AREL1: variants seen among roughly 807,000 people sequenced by gnomAD.
The protein encoded by AREL1 is apoptosis-resistant E3 ubiquitin protein ligase 1.
Under a neutral mutation model 99.0 loss-of-function variants are expected in AREL1, and 62 were observed. The observed-to-expected ratio is 0.63, with a 90% CI of 0.51 to 0.77. The LOEUF (loss-of-function observed/expected upper bound fraction) is 0.77. Among genes scored for constraint, AREL1 ranks in the 30% least tolerant of loss-of-function variants. The pLI, the probability that AREL1 is intolerant of heterozygous loss-of-function variation, is 0.00. For missense variants in AREL1, 879 were observed against 1,027.6 expected (o/e 0.86, Z 1.98); for synonymous variants, 380 against 376.5 (o/e 1.01, Z -0.11).
chr14:74,665,090 T>G (rs1461060188), intron 17 of AREL1, 165 bp from the exon 18 acceptor site: 8 of 530,912 alleles, frequency 1.5e-5, no homozygotes, highest in Non-Finnish European at 2.7e-5. Context: ...GAAAATCAAT[T>G]ACATACAACA....
Position 74,675,746 on chromosome 14 carries a change from CA to C in AREL1, c.1032del (p.Glu345ArgfsTer3). 1 of 1,614,150 alleles carries C rather than the reference CA, an allele frequency of 6.2e-7. No homozygotes were observed. The highest frequency in any genetic ancestry group is 8.5e-7 in the Non-Finnish European group (1 of 1,180,032). On this transcript the variant is annotated frameshift_variant, in exon 8 of 20. Coordinates refer to ENST00000356357, the MANE Select transcript of AREL1 (RefSeq NM_001039479.2). LOFTEE classifies it high-confidence loss of function. ...DEDSPSECHT[P>X]EKVKKPKKVY... Reference sequence around the variant, plus strand: ...ACCTTCTTCGGTTTCTTCACCTTCTCAGGGGTGTGGCACTCAGAGGGCGAGT... The same window carrying C: ...ACCTTCTTCGGTTTCTTCACCTTCTCGGGGTGTGGCACTCAGAGGGCGAGT...
At chr14:74,687,913 G>A (rs756280908) in intron 2 of AREL1, among the ~76,000 whole-genome samples, 4 of 151,442 alleles carry the variant, frequency 2.6e-5, no homozygotes, top group Non-Finnish European at 4.4e-5. Flanking sequence ...TGAACAGTCT[G>A]CATGGGAGTT....
At chr14:74,671,303 A>C in intron 12 of AREL1, 105 bp downstream of exon 12, 3 of 315,104 alleles carry the variant, frequency 9.5e-6, no homozygotes, top group Non-Finnish European at 1.6e-5. Context: ...TTAGGGAGTG[A>C]GTAGGAGGTA....
intron 1 of AREL1, among the ~76,000 whole-genome samples, chr14:74,705,851 G>A (rs2090168432): frequency 6.6e-6 from 1 of 152,188 alleles, no homozygotes. Context: ...AGATTCAGCT[G>A]TCCCTGGAGT....
chr14:74,695,270 G>C (rs528535327), intron 1 of AREL1, among the ~76,000 whole-genome samples: 8 of 151,896 alleles, frequency 5.3e-5, no homozygotes, highest in African/African-American at 1.7e-4. Context: ...GGTAGAGGCA[G>C]GGTTTCACCA....
chr14:74,666,304 A>C (rs1364336245), intron 17 of AREL1, among the ~76,000 whole-genome samples: 1 of 152,202 alleles, frequency 6.6e-6, no homozygotes, highest in Non-Finnish European at 1.5e-5. Flanking sequence ...GCACTGCACC[A>C]TTTTGTACTG....
In AREL1 at chr14:74,671,040, T is replaced by G. The variant is rs373195544; in HGVS notation, c.1499-169A>C. ...GTCCTTTAGAAATCCCACCCCTTTT[T>G]GTAGGATTAATGGTATTCTGATCAC... On this transcript the variant is annotated intron_variant, in intron 12 of 19. Transcript: ENST00000356357. 1.1e-4 allele frequency among the ~76,000 whole-genome samples: 17 copies of G among 152,276 alleles called. No individual in the cohort carries two copies. The South Asian group carries it at 1.9e-3, about 17-fold the overall frequency.
rs372272809 is a variant in AREL1, at chr14:74,670,063, G to A, written c.1672C>T (p.Leu558Phe). The A allele has an allele frequency of 6.2e-7, 1 of 1,613,894 alleles. No homozygotes were observed. Among genetic ancestry groups the A allele is most frequent in the African/African-American group, 1.3e-5 (1 of 74,908 alleles). The change falls in exon 14 of 20, where the codon CTC (leucine) becomes TTC (phenylalanine). Residue 558 changes from leucine to phenylalanine, a missense_variant. Transcript: ENST00000356357. ...GACTCATAGAGACACTTGCCCACGA[G>A]CCGTCCCGCAAACTCATACATTTTC... ...RLKMYEFAGR[L>F]VGKCLYESSL...
rs776253700 is a variant in AREL1 at position 74,667,446 on chromosome 14, A to G, written c.2044+19T>C. On this transcript the variant is annotated intron_variant, in intron 16 of 19. Coordinates refer to ENST00000356357, the MANE Select transcript of AREL1 (RefSeq NM_001039479.2). Reference sequence around the variant, plus strand: ...TACAGGTATTTTAACTTCAAGGCCAAGAACAGACAGGATCCCACCTTTTAG... The same window carrying G: ...TACAGGTATTTTAACTTCAAGGCCAGGAACAGACAGGATCCCACCTTTTAG... 6.2e-7 allele frequency: 1 copy of G among 1,614,058 alleles called. No homozygotes were observed. Among genetic ancestry groups the G allele is most frequent in the Non-Finnish European group, 8.5e-7 (1 of 1,179,896 alleles).
intron 18 of AREL1, 49 bp from the exon 19 acceptor site, chr14:74,664,123 G>A (rs1411845530): frequency 6.3e-7 from 1 of 1,576,304 alleles, no homozygotes; most frequent in Non-Finnish European, 8.6e-7. Context: ...AACAAGCTAG[G>A]ATTAGATCCC....
At chr14:74,691,573 A>T (rs2089881613) in intron 2 of AREL1, among the ~76,000 whole-genome samples, 1 of 152,204 alleles carries the variant, frequency 6.6e-6, no homozygotes, top group Admixed American at 6.5e-5. Context: ...TTTGATATAT[A>T]AATAAAGCAT....
Position 74,713,072 on chromosome 14 carries a change from C to CGG in AREL1, c.-475_-474dup. 6.3e-7 allele frequency: 1 copy of CGG among 1,575,666 alleles called. No homozygotes were observed. The highest frequency in any genetic ancestry group is 1.1e-5 in the South Asian group (1 of 90,150). On this transcript the variant is annotated 5_prime_UTR_variant, in exon 1 of 20. Coordinates refer to ENST00000356357, the MANE Select transcript of AREL1 (RefSeq NM_001039479.2). ...TCTCCACCCGGCCTGGGAACCGGCT[C>CGG]GGGGGATTGCCCTTTCCCCAAGGAG...
chr14:74,703,464 C>G (rs1023110272), intron 1 of AREL1, among the ~76,000 whole-genome samples: 8 of 152,142 alleles, frequency 5.3e-5, no homozygotes, highest in African/African-American at 1.9e-4. Context: ...TGGGTGGGGA[C>G]ACAGCCAAAC....
Position 74,662,963 on chromosome 14 carries a change from T to C in AREL1, c.*757A>G. On this transcript the variant is annotated 3_prime_UTR_variant, in exon 20 of 20. Transcript: ENST00000356357. ...AGCCATATGCCTAGGCATGCCCCAC[T>C]CTGGAGGCTACAGCTCAGCTATCCT... The C allele has an allele frequency of 4.2e-6, 1 of 238,994 alleles. No individual in the cohort carries two copies. The highest frequency in any genetic ancestry group is 8.1e-5 in the East Asian group (1 of 12,362). 14.8% of individuals were successfully genotyped at this position (238,994 alleles called of 1,614,324 possible).
Position 74,661,683 on chromosome 14 carries a change from A to G in AREL1, c.*2037T>C, listed in dbSNP as rs2089080958. On this transcript the variant is annotated 3_prime_UTR_variant, in exon 20 of 20. Coordinates refer to ENST00000356357, the MANE Select transcript of AREL1 (RefSeq NM_001039479.2). ...TTTGAATAGAGTTCAGACAGAGAAT[A>G]GAAAACCACAATAGTGCCAAAGGGT... 6.0e-6 allele frequency: 1 copy of G among 165,564 alleles called. No individual in the cohort carries two copies. The highest frequency in any genetic ancestry group is 1.3e-5 in the Non-Finnish European group (1 of 76,312). 10.3% of individuals were successfully genotyped at this position (165,564 alleles called of 1,614,324 possible). A position where few individuals can be genotyped will look rare whatever the true frequency, so the allele number is the denominator to read the frequency against.
intron 1 of AREL1, among the ~76,000 whole-genome samples, chr14:74,702,220 TC>T (rs1474501840): frequency 6.6e-6 from 1 of 151,942 alleles, no homozygotes; most frequent in Non-Finnish European, 1.5e-5. Flanking sequence ...ACCCCACATT[TC>T]CCCCCAACAT....
chr14:74,701,817 G>A (rs2139976958), intron 1 of AREL1: 1 of 152,294 alleles, frequency 6.6e-6, no homozygotes, highest in Middle Eastern at 3.4e-3. Context: ...AGATACAATG[G>A]GAGTACAGGC....
chr14:74,708,150 T>C (rs2090219855), intron 1 of AREL1, among the ~76,000 whole-genome samples: 1 of 152,114 alleles, frequency 6.6e-6, no homozygotes, highest in South Asian at 2.1e-4. Flanking sequence ...ATGTAAGAAG[T>C]TAACATTAGG....
chr14:74,673,336 G>A (rs764610766), intron 9 of AREL1, 118 bp from the exon 10 acceptor site: 15 of 971,532 alleles, frequency 1.5e-5, no homozygotes, highest in Non-Finnish European at 2.2e-5. Flanking sequence ...TTCTCCAAAT[G>A]AGGACCTACC....
Sources: gnomAD v4.1 joint callset for allele counts (sites outside exome capture counted in the v4.1 genomes callset) on GRCh38, gnomAD v4.1.1 for gene constraint, MANE v1.5 for transcripts, NCBI Gene and HGNC (gene_info 2026-07-23, HGNC 2026-07-21) for gene names.